The following AGBL4 variants were observed in gnomAD, a reference collection of about 807,000 sequenced individuals.
AGBL4 encodes the protein AGBL carboxypeptidase 4.
In AGBL4, 58 loss-of-function variants were observed where a neutral mutation model predicts 66.4. The observed-to-expected ratio is 0.87, with a 90% CI of 0.71 to 1.09. The LOEUF is 1.09. Ranked by LOEUF, AGBL4 falls within the 50% of genes least tolerant of loss-of-function variation. AGBL4 has a pLI of 0.00. For missense variants in AGBL4, 579 were observed against 631.0 expected, an observed-to-expected ratio of 0.92 and a Z score of 0.88; for synonymous variants, 234 against 222.9, an observed-to-expected ratio of 1.05 and a Z score of -0.44.
At chr1:48,776,260 G>C (rs1455602770) in intron 6 of AGBL4, among the ~76,000 whole-genome samples, 3 of 152,198 alleles carry the variant, frequency 2.0e-5, no homozygotes, top group Non-Finnish European at 4.4e-5. Context: ...AGGTGAGAGA[G>C]AAATGACGGT....
chr1:49,976,912 A>G (rs1345259305), intron 1 of AGBL4, among the ~76,000 whole-genome samples: 1 of 152,188 alleles, frequency 6.6e-6, no homozygotes, highest in African/African-American at 2.4e-5. Context: ...TAACTTAATC[A>G]ATTTAGAAGA....
intron 6 of AGBL4, among the ~76,000 whole-genome samples, chr1:48,664,325 G>A (rs1646153737): frequency 6.6e-6 from 1 of 152,206 alleles, no homozygotes; most frequent in African/African-American, 2.4e-5. Flanking sequence ...TGATCAAGGA[G>A]CTGTGAACTG....
intron 2 of AGBL4, among the ~76,000 whole-genome samples, chr1:49,715,293 A>G (rs1349025355): frequency 6.6e-6 from 1 of 152,032 alleles, no homozygotes; most frequent in East Asian, 1.9e-4. Flanking sequence ...AAGGACATGT[A>G]CTCATCCTTT....
At chr1:49,453,545 C>A (rs181922851) in intron 3 of AGBL4, among the ~76,000 whole-genome samples, 11 of 151,848 alleles carry the variant, frequency 7.2e-5, no homozygotes, top group African/African-American at 2.7e-4. Flanking sequence ...ACAATAGAAT[C>A]TTTCTCATGC....
rs561812496 is a variant in AGBL4, at chr1:49,492,722, A to G, written c.282+204591T>C. Among the ~76,000 whole-genome samples, 31 of 152,060 alleles carry G rather than the reference A, an allele frequency of 2.0e-4. 1 individual carries two copies. In the East Asian group the frequency reaches 5.8e-3, roughly 29 times the overall value. On this transcript the variant is annotated intron_variant, in intron 3 of 13. Coordinates refer to ENST00000371839, the MANE Select transcript of AGBL4 (RefSeq NM_032785.4). ...CCCTCATGGGATCCAGGAGCTTTTC[A>G]TCTCTATTTCCCGGCCAATTAGTTA...
At chr1:49,660,507 TG>T (rs1475978283) in intron 3 of AGBL4, among the ~76,000 whole-genome samples, 1 of 152,212 alleles carries the variant, frequency 6.6e-6, no homozygotes, top group African/African-American at 2.4e-5. Context: ...TTGGTAGGAA[TG>T]GAAATTAGTT....
intron 9 of AGBL4, among the ~76,000 whole-genome samples, chr1:48,612,014 G>A (rs914106199): frequency 6.6e-6 from 1 of 152,228 alleles, no homozygotes; most frequent in Non-Finnish European, 1.5e-5. Flanking sequence ...AGGAAGTGGA[G>A]GAGAGGGAGG....
intron 1 of AGBL4, among the ~76,000 whole-genome samples, chr1:49,970,056 A>T (rs6676942): frequency 0.32 from 48,177 of 152,082 alleles, 8,408 homozygotes; most frequent in East Asian, 0.73. Context: ...ATGCAAAAGA[A>T]TGAAATTGGA....
chr1:49,843,396 C>T (rs1646051865), intron 2 of AGBL4, among the ~76,000 whole-genome samples: 1 of 152,082 alleles, frequency 6.6e-6, no homozygotes, highest in Non-Finnish European at 1.5e-5. Context: ...GCCATGGCTG[C>T]CCAAAGTGTT....
intron 1 of AGBL4, among the ~76,000 whole-genome samples, chr1:49,963,448 T>G (rs1657284479): frequency 3.9e-5 from 6 of 152,174 alleles, no homozygotes. Context: ...ATTAACATGA[T>G]GCTAAGGCAA....
At chr1:49,526,723 C>G (rs1252213127) in intron 3 of AGBL4, among the ~76,000 whole-genome samples, 1 of 152,004 alleles carries the variant, frequency 6.6e-6, no homozygotes, top group African/African-American at 2.4e-5. Flanking sequence ...GAGTTTGGAG[C>G]ATAGAATATG....
intron 2 of AGBL4, among the ~76,000 whole-genome samples, chr1:49,834,935 G>A (rs1344688177): frequency 6.6e-6 from 1 of 152,188 alleles, no homozygotes; most frequent in Non-Finnish European, 1.5e-5. Flanking sequence ...TGGTTTGAGA[G>A]AATGTTTGTT....
intron 5 of AGBL4, among the ~76,000 whole-genome samples, chr1:49,010,232 A>G (rs1251556977): frequency 6.8e-6 from 1 of 147,156 alleles, no homozygotes; most frequent in Admixed American, 6.8e-5. Context: ...TTATACACCA[A>G]CAACAGACAA....
At chr1:49,658,275 C>T (rs1315390049) in intron 3 of AGBL4, among the ~76,000 whole-genome samples, 3 of 152,162 alleles carry the variant, frequency 2.0e-5, no homozygotes, top group African/African-American at 7.2e-5. Context: ...CATCACTGGC[C>T]ATCAGAGAAA....
intron 6 of AGBL4, among the ~76,000 whole-genome samples, chr1:48,699,513 C>T (rs1420064721): frequency 1.3e-5 from 2 of 152,196 alleles, no homozygotes; most frequent in Middle Eastern, 3.2e-3. Flanking sequence ...ATGCCTCTCT[C>T]TGGCCATTGG....
intron 5 of AGBL4, among the ~76,000 whole-genome samples, chr1:49,002,626 T>C (rs1266708662): frequency 6.6e-6 from 1 of 152,224 alleles, no homozygotes; most frequent in Non-Finnish European, 1.5e-5. Flanking sequence ...TTTTTCTTAT[T>C]GGAATTTCAA....
At chr1:49,340,017 T>C (rs1355082266) in intron 3 of AGBL4, among the ~76,000 whole-genome samples, 3 of 152,182 alleles carry the variant, frequency 2.0e-5, no homozygotes, top group Non-Finnish European at 4.4e-5. Context: ...AGTGACCAGG[T>C]ACTAGCCAAA....
chr1:48,781,949 G>A (rs1185621024), intron 6 of AGBL4, among the ~76,000 whole-genome samples: 6 of 152,194 alleles, frequency 3.9e-5, no homozygotes, highest in East Asian at 1.9e-4. Context: ...CATGCCAGGC[G>A]CTGTGTATAC....
chr1:48,543,654 C>G (rs1263537548), intron 11 of AGBL4, among the ~76,000 whole-genome samples: 2 of 152,194 alleles, frequency 1.3e-5, no homozygotes, highest in African/African-American at 4.8e-5. Flanking sequence ...TGGGCCATTA[C>G]TCCATCCAGG....
Sources: gnomAD v4.1 joint callset for allele counts (sites outside exome capture counted in the v4.1 genomes callset) on GRCh38, gnomAD v4.1.1 for gene constraint, MANE v1.5 for transcripts, NCBI Gene and HGNC (gene_info 2026-07-23, HGNC 2026-07-21) for gene names.